Variants in CCDC88C observed in about 807,000 individuals in gnomAD.
CCDC88C encodes protein Daple.
CCDC88C carries 131 observed loss-of-function variants against 198.8 expected under a neutral mutation model. The ratio of observed to expected loss-of-function variants is 0.66; its 90% CI spans 0.57 to 0.76. The LOEUF is 0.76. Ranked by LOEUF, CCDC88C falls within the 30% of genes least tolerant of loss-of-function variation. The pLI, the probability that CCDC88C is intolerant of heterozygous loss-of-function variation, is 0.00. For missense variants in CCDC88C, 2,553 were observed against 2,631.6 expected (o/e 0.97, Z 0.65); for synonymous variants, 1,166 against 1,114.7 (o/e 1.05, Z -0.92).
chr14:91,351,070 C>T (rs1893762687), intron 4 of CCDC88C, among the ~76,000 whole-genome samples: 1 of 152,156 alleles, frequency 6.6e-6, no homozygotes, highest in Admixed American at 6.6e-5. Flanking sequence ...GGTTGTTTAA[C>T]CAGCGTTTGC....
chr14:91,391,751 C>T (rs1885518558), intron 3 of CCDC88C, among the ~76,000 whole-genome samples: 1 of 152,090 alleles, frequency 6.6e-6, no homozygotes, highest in African/African-American at 2.4e-5. Context: ...TGTACTCCAG[C>T]CTGGGTGACA....
chr14:91,416,420 G>A (rs1025017431), intron 2 of CCDC88C, among the ~76,000 whole-genome samples: 4 of 152,128 alleles, frequency 2.6e-5, no homozygotes, highest in Admixed American at 6.5e-5. Context: ...TCCAAAAGGG[G>A]ACTTTTTCAT....
chr14:91,345,190 A>ATATATATAT, intron 4 of CCDC88C, among the ~76,000 whole-genome samples: 1 of 52,204 alleles, frequency 1.9e-5, no homozygotes, highest in Non-Finnish European at 3.4e-5. Flanking sequence ...ATATATATAT[A>ATATATATAT]TTTTTTTTTT....
At chr14:91,308,283 G>A (rs1567065441) in intron 17 of CCDC88C, 68 bp downstream of exon 17, 3 of 1,587,342 alleles carry the variant, frequency 1.9e-6, no homozygotes, top group Non-Finnish European at 2.6e-6. Context: ...TGCTATACAG[G>A]TGAGGGGCTG....
chr14:91,354,389 CAT>C (rs1470229307), intron 4 of CCDC88C, among the ~76,000 whole-genome samples: 2 of 152,242 alleles, frequency 1.3e-5, no homozygotes, highest in Non-Finnish European at 1.5e-5. Flanking sequence ...GGTCTAGCTC[CAT>C]CCAGCATCCT....
Position 91,310,107 on chromosome 14 carries a change from G to C in CCDC88C, c.2737-121C>G, listed in dbSNP as rs769921127. On this transcript the variant is annotated intron_variant, in intron 15 of 29. Transcript: ENST00000389857. Reference sequence around the variant, plus strand: ...CGGGCCACGGCTGCCTCCGTGTGGAGCGAGGGGACTCTGAACCCCAGGGAT... The same window carrying C: ...CGGGCCACGGCTGCCTCCGTGTGGACCGAGGGGACTCTGAACCCCAGGGAT... The C allele has an allele frequency of 3.6e-4, 361 of 993,608 alleles. 1 individual carries two copies. Among genetic ancestry groups the C allele is most frequent in the South Asian group, 6.1e-4 (31 of 51,082 alleles). 61.5% of individuals were successfully genotyped at this position (993,608 alleles called of 1,614,324 possible).
intron 18 of CCDC88C, among the ~76,000 whole-genome samples, chr14:91,306,573 A>G (rs1032026507): frequency 6.6e-6 from 1 of 152,248 alleles, no homozygotes; most frequent in Non-Finnish European, 1.5e-5. Context: ...AGAGGCACGG[A>G]CATGCATTAG....
At position 91,416,719 on chromosome 14, in the gene CCDC88C, CGAG is replaced by C. The variant is rs550412528; in HGVS notation, c.161+16_161+18del. ...CTAACGCACCATTCTTTCCTTCCTCCGAGAAGAAGGTAACTTACATTTGCAGCA... is the reference window on the plus strand; with the variant it reads ...CTAACGCACCATTCTTTCCTTCCTCCAAGAAGGTAACTTACATTTGCAGCA... On this transcript the variant is annotated intron_variant, in intron 2 of 29. Coordinates refer to ENST00000389857, the MANE Select transcript of CCDC88C (RefSeq NM_001080414.4). 12,516 of 1,541,094 alleles carry C rather than the reference CGAG, an allele frequency of 8.1e-3. 63 individuals are homozygous for C. The highest frequency in any genetic ancestry group is 9.2e-3 in the Non-Finnish European group (10,259 of 1,115,434).
chr14:91,407,849 C>G (rs1886587648), intron 3 of CCDC88C, among the ~76,000 whole-genome samples: 1 of 152,166 alleles, frequency 6.6e-6, no homozygotes, highest in African/African-American at 2.4e-5. Context: ...GTGGCATGAC[C>G]TTGGCTCACT....
chr14:91,311,254 C>T (rs531118834), intron 15 of CCDC88C, among the ~76,000 whole-genome samples: 49 of 152,338 alleles, frequency 3.2e-4, no homozygotes, highest in African/African-American at 1.1e-3. Flanking sequence ...AACTAACCTA[C>T]GCTAACGAGC....
chr14:91,312,684 AAAAT>A (rs758408630), intron 15 of CCDC88C, among the ~76,000 whole-genome samples: 5 of 152,226 alleles, frequency 3.3e-5, no homozygotes, highest in Non-Finnish European at 7.3e-5. Flanking sequence ...CTCCGTCTCA[AAAAT>A]AAATAAATAA....
At chr14:91,393,125 T>C (rs530220678) in intron 3 of CCDC88C, among the ~76,000 whole-genome samples, 2 of 152,074 alleles carry the variant, frequency 1.3e-5, no homozygotes, top group Non-Finnish European at 2.9e-5. Flanking sequence ...TCTCTCAGAA[T>C]CACTGCAACC....
chr14:91,287,776 C>T (rs1443866768), intron 25 of CCDC88C, among the ~76,000 whole-genome samples: 1 of 151,942 alleles, frequency 6.6e-6, no homozygotes, highest in African/African-American at 2.4e-5. Flanking sequence ...CCTCCGCCTC[C>T]AAGACCCCAT....
At position 91,325,951 on chromosome 14, in the gene CCDC88C, C is replaced by T; in HGVS notation, c.1156G>A (p.Glu386Lys). 6.4e-7 allele frequency: 1 copy of T among 1,560,666 alleles called. No individual in the cohort carries two copies. The highest frequency in any genetic ancestry group is 8.7e-7 in the Non-Finnish European group (1 of 1,151,496). ...RGDKVHELEK[E>K]NLQLKSKLHD... The stretch of plus-strand genomic sequence containing the variant: ...AGCTTGGATTTCAGCTGCAGGTTCT[C>T]CTTTTCCAGCTCATGGACTTTATCG... Residue 386 changes from glutamate to lysine, a missense_variant, in exon 11 of 30, where the codon GAG (glutamate) becomes AAG (lysine). Glu to Lys is a moderately conservative substitution (Grantham distance 56, BLOSUM62 1). Transcript: ENST00000389857. This position sits in a 1 kb window ranked among gnomAD's most constrained non-coding sequence, Gnocchi z 4.1.
At chr14:91,364,870 T>G (rs560070896) in intron 3 of CCDC88C, among the ~76,000 whole-genome samples, 1 of 152,328 alleles carries the variant, frequency 6.6e-6, no homozygotes, top group South Asian at 2.1e-4. Context: ...TATTAGAACC[T>G]GCTGGGGACA....
chr14:91,343,779 A>AG, intron 4 of CCDC88C, 122 bp from the exon 5 acceptor site: 1 of 1,085,826 alleles, frequency 9.2e-7, no homozygotes, highest in Non-Finnish European at 1.4e-6. Flanking sequence ...ACATTCACTT[A>AG]GGTATACACA....
intron 3 of CCDC88C, among the ~76,000 whole-genome samples, chr14:91,362,365 A>G (rs546773143): frequency 1.1e-3 from 166 of 152,302 alleles, no homozygotes; most frequent in Admixed American, 2.0e-3. Context: ...CATTTGTCCA[A>G]GCTCAGCCCT....
chr14:91,393,990 A>G (rs1885686167), intron 3 of CCDC88C, among the ~76,000 whole-genome samples: 1 of 152,252 alleles, frequency 6.6e-6, no homozygotes, highest in South Asian at 2.1e-4. Context: ...TCCTTTAAGT[A>G]GCCACAATTC....
At chr14:91,307,587 G>T (rs977927998) in intron 17 of CCDC88C, among the ~76,000 whole-genome samples, 6 of 152,376 alleles carry the variant, frequency 3.9e-5, no homozygotes, top group Non-Finnish European at 7.3e-5. Context: ...CAAAGCCCCT[G>T]CTGGCACTGG....
Sources: gnomAD v4.1 joint callset for allele counts (sites outside exome capture counted in the v4.1 genomes callset) on GRCh38, gnomAD v4.1.1 for gene constraint, Gnocchi (gnomAD v3.1) non-coding constraint, MANE v1.5 for transcripts, NCBI Gene and HGNC (gene_info 2026-07-23, HGNC 2026-07-21) for gene names.